Variants in STAG2 observed in about 807,000 individuals in gnomAD.
STAG2 encodes cohesin subunit SA-2.
STAG2 carries 14 observed loss-of-function variants against 108.1 expected under a neutral mutation model. The observed-to-expected ratio is 0.13, with a 90% CI of 0.09 to 0.20. The LOEUF (loss-of-function observed/expected upper bound fraction) is 0.20. STAG2 is among the 10% of genes least tolerant of loss of function. STAG2 has a pLI of 1.00. For missense variants in STAG2, 440 were observed against 940.9 expected, an observed-to-expected ratio of 0.47 and a Z score of 6.96; for synonymous variants, 307 against 302.7, an observed-to-expected ratio of 1.01 and a Z score of -0.15.
chrX:123,990,810 A>G (rs193176430), intron 1 of STAG2, among the ~76,000 whole-genome samples: 92 of 111,713 alleles, frequency 8.2e-4, no homozygotes, highest in African/African-American at 2.9e-3. Context: ...ATCTCGCATA[A>G]CTCTAACTGC....
intron 27 of STAG2, among the ~76,000 whole-genome samples, chrX:124,080,886 T>C (rs2058941632): frequency 8.9e-6 from 1 of 112,317 alleles, no homozygotes; most frequent in Non-Finnish European, 1.9e-5. Flanking sequence ...AGTTTTGTTA[T>C]TACAAATAGC....
intron 4 of STAG2, among the ~76,000 whole-genome samples, chrX:124,029,570 C>G (rs2148052575): frequency 8.9e-6 from 1 of 112,646 alleles, no homozygotes; most frequent in East Asian, 2.8e-4. Flanking sequence ...CTCGGCCTCC[C>G]AAAGTGCTAG....
Position 124,045,382 on chromosome X carries a change from A to G in STAG2, c.667+14A>G, listed in dbSNP as rs2148181536. ...GCACCCTGGCAGGTCGGTATTTAGA[A>G]ATATTTTCTGCATATTGTCTTAGAT... is the stretch of plus-strand genomic sequence containing the variant. On this transcript the variant is annotated intron_variant, in intron 8 of 34. Transcript: ENST00000371145. The G allele has an allele frequency of 8.6e-7, 1 of 1,169,200 alleles. No homozygotes were observed. Among genetic ancestry groups the G allele is most frequent in the Non-Finnish European group, 1.2e-6 (1 of 862,708 alleles).
intron 1 of STAG2, among the ~76,000 whole-genome samples, chrX:123,977,039 T>G (rs1307936244): frequency 8.9e-6 from 1 of 112,038 alleles, no homozygotes; most frequent in African/African-American, 3.2e-5. Flanking sequence ...TATTTTCAGC[T>G]GAGAGCTGAT....
chrX:124,051,260 C>T, intron 12 of STAG2, 41 bp downstream of exon 12: 2 of 1,159,057 alleles, frequency 1.7e-6, no homozygotes, highest in Non-Finnish European at 1.2e-6. Flanking sequence ...TTGTCATTTG[C>T]AAACACTTTT....
rs192312393 is a variant in STAG2 at position 124,085,387 on chromosome X, G to A, written c.3054-1160G>A. Among the ~76,000 whole-genome samples the A allele has an allele frequency of 4.9e-3, 548 of 111,252 alleles. 11 individuals carry two copies. The highest frequency in any genetic ancestry group is 0.04 in the Admixed American group (419 of 10,393). On this transcript the variant is annotated intron_variant, in intron 29 of 34. Transcript: ENST00000371145. The stretch of plus-strand genomic sequence containing the variant: ...GTGAGTATATTTTGGCTCAAGTTTT[G>A]TATCTTGTTGCAGACTTAACAGTTT...
chrX:124,085,017 T>C (rs1428555104), intron 29 of STAG2, among the ~76,000 whole-genome samples: 1 of 111,839 alleles, frequency 8.9e-6, no homozygotes, highest in Non-Finnish European at 1.9e-5. Flanking sequence ...AGGAGACCGA[T>C]AAAAGAATGA....
At chrX:124,041,219 T>C (rs1279901538) in intron 6 of STAG2, among the ~76,000 whole-genome samples, 4 of 80,896 alleles carry the variant, frequency 4.9e-5, no homozygotes, top group Admixed American at 2.5e-4. Context: ...AAAACAATCA[T>C]TTTTTTTTTT....
chrX:123,976,262 G>C (rs1046300708), intron 1 of STAG2, among the ~76,000 whole-genome samples: 2 of 111,335 alleles, frequency 1.8e-5, no homozygotes, highest in Admixed American at 9.6e-5. Context: ...TGACAGTAGT[G>C]ACCTTTTCTC....
intron 3 of STAG2, among the ~76,000 whole-genome samples, chrX:124,024,859 TTA>T (rs1298339116): frequency 8.9e-6 from 1 of 111,810 alleles, no homozygotes; most frequent in Non-Finnish European, 1.9e-5. Context: ...CCTTTATCTT[TTA>T]TGGATGTGGC....
At chrX:124,056,105 A>G (rs369255754) in intron 13 of STAG2, 23 bp from the exon 14 acceptor site, 3 of 1,087,597 alleles carry the variant, frequency 2.8e-6, no homozygotes, top group African/African-American at 3.7e-5. Context: ...TACTAAAAGC[A>G]CCTGTTACTG....
rs73553874 is a variant in STAG2 at position 124,073,982 on chromosome X, T to C, written c.2534-2350T>C. Among the ~76,000 whole-genome samples, 190 of 112,820 alleles carry C rather than the reference T, an allele frequency of 1.7e-3. 1 individual carries two copies. Among genetic ancestry groups the C allele is most frequent in the African/African-American group, 5.9e-3 (183 of 31,095 alleles). ...ACACCTTTGCATTTCAATTTTATTT[T>C]ACTAAGAATTTGTATCTGTTAATAA... is the stretch of plus-strand genomic sequence containing the variant. On this transcript the variant is annotated intron_variant, in intron 25 of 34. Coordinates refer to ENST00000371145, the MANE Select transcript of STAG2 (RefSeq NM_001042750.2).
intron 30 of STAG2, among the ~76,000 whole-genome samples, chrX:124,087,894 A>G (rs1457453985): frequency 8.9e-6 from 1 of 112,320 alleles, no homozygotes. Flanking sequence ...GTCCAGTAGT[A>G]TAAAGGCATA....
chrX:124,042,119 A>G (rs963956605), intron 6 of STAG2, among the ~76,000 whole-genome samples: 5 of 111,554 alleles, frequency 4.5e-5, no homozygotes, highest in East Asian at 2.8e-4. Flanking sequence ...TTTACATGCA[A>G]TAGTGCTTAA....
chrX:123,969,700 T>G (rs1224253690), intron 1 of STAG2, among the ~76,000 whole-genome samples: 1 of 109,930 alleles, frequency 9.1e-6, no homozygotes, highest in African/African-American at 3.3e-5. Flanking sequence ...CAGGCTGTGG[T>G]GCAGTGGCAT....
chrX:123,980,426 T>G (rs2147646638), intron 1 of STAG2, among the ~76,000 whole-genome samples: 1 of 111,650 alleles, frequency 9.0e-6, no homozygotes, highest in South Asian at 3.7e-4. Context: ...TCCATAAGCA[T>G]CTCAAATTTG....
At chrX:124,089,731 C>T (rs2059205102) in intron 30 of STAG2, among the ~76,000 whole-genome samples, 1 of 111,872 alleles carries the variant, frequency 8.9e-6, no homozygotes, top group Admixed American at 9.5e-5. Flanking sequence ...CAAGATTTTC[C>T]ACAGTTTGAT....
chrX:124,055,996 G>T (rs201564092), intron 13 of STAG2, 132 bp from the exon 14 acceptor site: 53 of 246,087 alleles, frequency 2.2e-4, no homozygotes, highest in Non-Finnish European at 2.8e-4. Flanking sequence ...GCTTGATTTG[G>T]TTTTTTTTTT....
intron 1 of STAG2, among the ~76,000 whole-genome samples, chrX:124,003,996 C>T (rs1330384117): frequency 8.9e-6 from 1 of 111,884 alleles, no homozygotes. Context: ...TGGTAAAATA[C>T]AGATAACATA....
Sources: allele counts gnomAD v4.1 joint callset (sites outside exome capture counted in the v4.1 genomes callset), GRCh38; gene constraint gnomAD v4.1.1; transcripts MANE v1.5; gene names NCBI Gene and HGNC (gene_info 2026-07-23, HGNC 2026-07-21).